Variants in AGK observed in about 807,000 individuals in gnomAD.
The protein encoded by AGK is acylglycerol kinase, also known as acylglycerol kinase, mitochondrial.
In AGK, 52 loss-of-function variants were observed where a neutral mutation model predicts 66.4. The observed-to-expected ratio is 0.78, with a 90% CI of 0.63 to 0.99. The LOEUF is 0.99. AGK is among the 50% of genes least tolerant of loss of function. AGK has a pLI of 0.00. For missense variants in AGK, 451 were observed against 506.6 expected (o/e 0.89, Z 1.05); for synonymous variants, 182 against 181.1 (o/e 1.00, Z -0.04).
Position 141,653,963 on chromosome 7 carries a change from A to G in AGK, c.*1039A>G, listed in dbSNP as rs1356538650. On this transcript the variant is annotated 3_prime_UTR_variant, in exon 16 of 16. Transcript: ENST00000649286. ...ATTTGACACCCTTCATTCATTTATA[A>G]AAATAAATGAGCTAGTTCTTTAGTA... 6.6e-6 allele frequency: 1 copy of G among 152,228 alleles called. No homozygotes were observed. The highest frequency in any genetic ancestry group is 1.9e-4 in the East Asian group (1 of 5,202). 9.4% of individuals were successfully genotyped at this position (152,228 alleles called of 1,614,324 possible).
chr7:141,576,362 T>C (rs1342622757), intron 2 of AGK, among the ~76,000 whole-genome samples: 1 of 151,736 alleles, frequency 6.6e-6, no homozygotes, highest in East Asian at 1.9e-4. Context: ...TCCCTTGTTG[T>C]CTAGGGTTGG....
chr7:141,603,890 C>T lies in AGK; in HGVS notation c.297+2610C>T, dbSNP rs146837173. On this transcript the variant is annotated intron_variant, in intron 5 of 15. Transcript: ENST00000649286. ...AAATACTTTTATGTGTATTTTTAAA[C>T]AAATAAGAATACTTTTATATTTATC... is the stretch of plus-strand genomic sequence containing the variant. 2.2e-4 allele frequency among the ~76,000 whole-genome samples: 33 copies of T among 152,218 alleles called. No individual in the cohort carries two copies. In the East Asian group the frequency reaches 6.4e-3, roughly 29 times the overall value.
rs115138716 is a variant in AGK, at chr7:141,601,077, T to C, written c.222-128T>C. 5.0e-3 allele frequency: 3,129 copies of C among 620,604 alleles called. 81 individuals carry two copies. Among genetic ancestry groups the C allele is most frequent in the African/African-American group, 0.046 (2,410 of 52,888 alleles). 38.4% of individuals were successfully genotyped at this position (620,604 alleles called of 1,614,324 possible). On this transcript the variant is annotated intron_variant, in intron 4 of 15. Coordinates refer to ENST00000649286, the MANE Select transcript of AGK (RefSeq NM_018238.4). ...TTACTTGTTGTTAAACTTTCTGTGCTTGAACAAATAAAGGAAACCCGTATT... is the reference window on the plus strand; with the variant it reads ...TTACTTGTTGTTAAACTTTCTGTGCCTGAACAAATAAAGGAAACCCGTATT...
intron 9 of AGK, among the ~76,000 whole-genome samples, chr7:141,630,621 C>T (rs1797034375): frequency 6.6e-6 from 1 of 152,100 alleles, no homozygotes; most frequent in South Asian, 2.1e-4. Flanking sequence ...TACAATTGTA[C>T]CTACTTCCCT....
At chr7:141,603,932 T>C (rs1796393699) in intron 5 of AGK, among the ~76,000 whole-genome samples, 1 of 152,222 alleles carries the variant, frequency 6.6e-6, no homozygotes, top group African/African-American at 2.4e-5. Context: ...GCCATTTTCA[T>C]ACTTAGGAAA....
chr7:141,627,272 T>A (rs937000788), intron 9 of AGK, among the ~76,000 whole-genome samples: 7 of 152,106 alleles, frequency 4.6e-5, no homozygotes, highest in Admixed American at 2.0e-4. Context: ...GATTCCTTTT[T>A]CATCTAAACT....
intron 2 of AGK, among the ~76,000 whole-genome samples, chr7:141,589,261 C>T (rs1796057192): frequency 6.6e-6 from 1 of 152,136 alleles, no homozygotes. Flanking sequence ...TAATGCCTAC[C>T]TTGCAAGGTT....
rs951499070 is a variant in AGK at position 141,614,250 on chromosome 7, C to CT, written c.423+81dup. 1,252 of 1,161,314 alleles carry CT rather than the reference C, an allele frequency of 1.1e-3. 1 individual carries two copies. The highest frequency in any genetic ancestry group is 1.4e-3 in the South Asian group (93 of 64,396). The allele number at this position is 1,161,314 out of a possible 1,614,324, so 71.9% of individuals were successfully genotyped here. On this transcript the variant is annotated intron_variant, in intron 7 of 15. Transcript: ENST00000649286. ...TTTTTTATTGCTTTTCTTTCTTTTA[C>CT]TTTTTTTTTCCATTGTATATTTTAA...
chr7:141,578,070 C>T (rs1795791749), intron 2 of AGK, among the ~76,000 whole-genome samples: 1 of 152,116 alleles, frequency 6.6e-6, no homozygotes, highest in Non-Finnish European at 1.5e-5. Flanking sequence ...CCTGCCTTGG[C>T]CTCAGTATCA....
At chr7:141,626,436 C>T (rs756411059) in intron 9 of AGK, among the ~76,000 whole-genome samples, 4 of 152,068 alleles carry the variant, frequency 2.6e-5, no homozygotes, top group Non-Finnish European at 4.4e-5. Flanking sequence ...GAAACAAAGC[C>T]CACAGTCTCA....
Position 141,636,986 on chromosome 7 carries a change from T to A in AGK, c.695T>A (p.Ile232Asn). The A allele has an allele frequency of 6.2e-7, 1 of 1,612,830 alleles. No individual in the cohort carries two copies. The highest frequency in any genetic ancestry group is 1.3e-5 in the African/African-American group (1 of 74,978). The change falls in exon 11 of 16, where the codon ATC becomes AAC. Residue 232 changes from isoleucine (I) to asparagine (N), a missense_variant. Ile to Asn is a moderately radical substitution (Grantham distance 149). Transcript: ENST00000649286. ...SKYWYLGPLK[I>N]KAAHFFSTLK... ...TACTGGTATCTTGGGCCTCTAAAAATCAAAGCAGCCCACTTTTTCAGCACT... is the reference window on the plus strand; with the variant it reads ...TACTGGTATCTTGGGCCTCTAAAAAACAAAGCAGCCCACTTTTTCAGCACT...
rs537052980 is a variant in AGK at position 141,583,111 on chromosome 7, G to A, written c.102-10035G>A. ...ACGACAAGAATTATCTAGATCTTGC[G>A]GGATGGAGAAATTGAAAGTGCCGTT... On this transcript the variant is annotated intron_variant, in intron 2 of 15. Transcript: ENST00000649286. 9.2e-5 allele frequency among the ~76,000 whole-genome samples: 14 copies of A among 151,946 alleles called. No homozygotes were observed. In the South Asian group the frequency reaches 2.7e-3, roughly 29 times the overall value.
At chr7:141,588,884 T>C (rs1490171590) in intron 2 of AGK, among the ~76,000 whole-genome samples, 5 of 152,192 alleles carry the variant, frequency 3.3e-5, no homozygotes, top group African/African-American at 1.2e-4. Context: ...TTTAGCATGC[T>C]AATGTATTCT....
chr7:141,554,512 A>T (rs1795166726), intron 1 of AGK, among the ~76,000 whole-genome samples: 1 of 152,088 alleles, frequency 6.6e-6, no homozygotes, highest in South Asian at 2.1e-4. Flanking sequence ...AATTTTGGGT[A>T]AAAAAATATT....
At chr7:141,577,956 G>T (rs1171460814) in intron 2 of AGK, among the ~76,000 whole-genome samples, 1 of 151,956 alleles carries the variant, frequency 6.6e-6, no homozygotes, top group Non-Finnish European at 1.5e-5. Flanking sequence ...GGGACTACAG[G>T]TGCATGCCAC....
chr7:141,612,017 C>T (rs544350983), intron 6 of AGK, among the ~76,000 whole-genome samples: 2 of 152,310 alleles, frequency 1.3e-5, no homozygotes, highest in Non-Finnish European at 2.9e-5. Flanking sequence ...ACCCTGTGTC[C>T]ACACAATTGC....
intron 11 of AGK, among the ~76,000 whole-genome samples, chr7:141,637,709 T>A (rs1355464250): frequency 1.3e-5 from 2 of 152,174 alleles, no homozygotes; most frequent in African/African-American, 4.8e-5. Flanking sequence ...AGATGGGGTT[T>A]GAATGTAGTG....
Position 141,611,217 on chromosome 7 carries a change from A to G in AGK, c.320A>G (p.Lys107Arg). 1 of 1,613,438 alleles carries G rather than the reference A, an allele frequency of 6.2e-7. No homozygotes were observed. Among genetic ancestry groups the G allele is most frequent in the Non-Finnish European group, 8.5e-7 (1 of 1,179,596 alleles). The change falls in exon 6 of 16, where the codon AAG (lysine) becomes AGG (arginine). Residue 107 changes from lysine to arginine, a missense_variant. Coordinates refer to ENST00000649286, the MANE Select transcript of AGK (RefSeq NM_018238.4). The stretch of plus-strand genomic sequence containing the variant: ...CAGACAGATTATGAGGGACAAGCCA[A>G]GAAACTCCTGGAACTGATGGAAAAC... ...IVKTDYEGQAKKLLELMENTD... is the reference protein window; with the variant it reads ...IVKTDYEGQARKLLELMENTD...
At chr7:141,557,520 C>T (rs752355789) in intron 2 of AGK, among the ~76,000 whole-genome samples, 7 of 152,160 alleles carry the variant, frequency 4.6e-5, no homozygotes, top group African/African-American at 1.4e-4. Flanking sequence ...GCTGTTTCTA[C>T]GACTAGGTGA....
Sources: gnomAD v4.1 joint callset for allele counts (sites outside exome capture counted in the v4.1 genomes callset) on GRCh38, gnomAD v4.1.1 for gene constraint, MANE v1.5 for transcripts, NCBI Gene and HGNC (gene_info 2026-07-23, HGNC 2026-07-21) for gene names.